The following CHD7 variants were observed in gnomAD, a reference collection of about 807,000 sequenced individuals.
The protein encoded by CHD7 is chromodomain helicase DNA binding protein 7, also known as ATP-dependent chromatin remodeler CHD7.
CHD7 carries 24 observed loss-of-function variants against 307.3 expected under a neutral mutation model. The observed-to-expected ratio is 0.08, with a 90% CI of 0.06 to 0.11. The LOEUF (loss-of-function observed/expected upper bound fraction) is 0.11, where lower values mean the gene tolerates loss of function less well. Among genes scored for constraint, CHD7 ranks in the 10% least tolerant of loss-of-function variants. CHD7 has a pLI of 1.00. For missense variants in CHD7, 3,106 were observed against 3,727.1 expected, an observed-to-expected ratio of 0.83 and a Z score of 4.34; for synonymous variants, 1,363 against 1,349.9, an observed-to-expected ratio of 1.01 and a Z score of -0.21.
At chr8:60,861,960 A>C in intron 35 of CHD7, 1 of 310,824 alleles carries the variant, frequency 3.2e-6, no homozygotes, top group Non-Finnish European at 5.9e-6. Flanking sequence ...ACTTTAAGTG[A>C]GGTTATTGAT....
Position 60,854,532 on chromosome 8 carries a change from G to A in CHD7, c.6936+9G>A, listed in dbSNP as rs188197056. 11 of 1,578,668 alleles carry A rather than the reference G, an allele frequency of 7.0e-6. No individual in the cohort carries two copies. The highest frequency in any genetic ancestry group is 8.6e-6 in the Non-Finnish European group (10 of 1,156,994). On this transcript the variant is annotated intron_variant, in intron 32 of 37. Coordinates refer to ENST00000423902, the MANE Select transcript of CHD7 (RefSeq NM_017780.4). ...TCTCGTTTTGGCCTAAGGTTGGCAG[G>A]TTTTTGTTGCTGTTGTTTTGCTGAC...
At chr8:60,764,262 T>G (rs891341113) in intron 2 of CHD7, among the ~76,000 whole-genome samples, 4 of 152,208 alleles carry the variant, frequency 2.6e-5, no homozygotes, top group African/African-American at 7.2e-5. Flanking sequence ...GTGCTGGGAT[T>G]ACAGGTGTGA....
At position 60,741,396 on chromosome 8, in the gene CHD7, T is replaced by G; in HGVS notation, c.-37T>G. 6.6e-7 allele frequency: 1 copy of G among 1,507,628 alleles called. No individual in the cohort carries two copies. Among genetic ancestry groups the G allele is most frequent in the Non-Finnish European group, 9.0e-7 (1 of 1,106,248 alleles). 93.4% of individuals were successfully genotyped at this position (1,507,628 alleles called of 1,614,324 possible). On this transcript the variant is annotated 5_prime_UTR_variant, in exon 2 of 38. Transcript: ENST00000423902. ...GTGAAGTGAAGCACAGGCAAGCTCC[T>G]GAGCTGTGGTTTGGAGGAGCCGTGT...
rs1804099152 is a variant in CHD7 at position 60,822,648 on chromosome 8, T to G, written c.3103T>G (p.Phe1035Val). 6.2e-7 allele frequency: 1 copy of G among 1,613,790 alleles called. No homozygotes were observed. The highest frequency in any genetic ancestry group is 1.1e-5 in the South Asian group (1 of 91,094). Reference protein sequence around the residue: ...LSTIPNWEREFRTWTELNVVV... With the variant: ...LSTIPNWEREVRTWTELNVVV... ...CACAATCCCCAACTGGGAAAGGGAATTCCGAACCTGGACAGAGTTGAACGT... is the reference window on the plus strand; with the variant it reads ...CACAATCCCCAACTGGGAAAGGGAAGTCCGAACCTGGACAGAGTTGAACGT... Residue 1035 changes from phenylalanine to valine, a missense_variant, in exon 12 of 38, where the codon TTC (phenylalanine) becomes GTC (valine). Phe to Val is a conservative substitution (Grantham distance 50). Around this residue, in one of 10 missense-constraint regions of CHD7, gnomAD observed 232 missense variants for 422.5 expected, o/e 0.55. Transcript: ENST00000423902.
chr8:60,723,477 T>C (rs1206685953), intron 1 of CHD7, among the ~76,000 whole-genome samples: 1 of 152,200 alleles, frequency 6.6e-6, no homozygotes, highest in African/African-American at 2.4e-5. Context: ...ATTTAACCAC[T>C]ATCTAGAAGG....
In CHD7 at chr8:60,742,287, T is replaced by G. The variant is rs1468951955; in HGVS notation, c.855T>G (p.Val285=). 1 of 1,613,898 alleles carries G rather than the reference T, an allele frequency of 6.2e-7. No individual in the cohort carries two copies. The highest frequency in any genetic ancestry group is 1.7e-5 in the Admixed American group (1 of 60,014). The change falls in exon 2 of 38, where the codon GTT becomes GTG. Residue 285 remains valine, a synonymous_variant. Transcript: ENST00000423902. ...CGAATCCTCCCCAACAAGGGGCTGTTAGGCCGCAAACCCTTAACTTTAGTT... is the reference window on the plus strand; with the variant it reads ...CGAATCCTCCCCAACAAGGGGCTGTGAGGCCGCAAACCCTTAACTTTAGTT... The part of the protein sequence containing the change: ...FSPNPPQQGA[V]RPQTLNFSSR...
chr8:60,781,544 C>T, intron 3 of CHD7, 114 bp downstream of exon 3: 1 of 1,357,572 alleles, frequency 7.4e-7, no homozygotes, highest in Non-Finnish European at 9.7e-7. Flanking sequence ...TTTTTGTCAT[C>T]ATTGAGTTTC....
intron 1 of CHD7, among the ~76,000 whole-genome samples, chr8:60,685,971 A>G (rs1306123888): frequency 6.6e-6 from 1 of 152,140 alleles, no homozygotes; most frequent in Non-Finnish European, 1.5e-5. Context: ...TTATAGATCA[A>G]ATTTTGTTCT....
At chr8:60,854,659 A>G (rs1805624997) in intron 32 of CHD7, 136 bp downstream of exon 32, 1 of 683,550 alleles carries the variant, frequency 1.5e-6, no homozygotes, top group Non-Finnish European at 2.2e-6. Flanking sequence ...TTTTTCTTAT[A>G]CTTTTAAAGA....
chr8:60,693,911 A>G (rs1002272011), intron 1 of CHD7, among the ~76,000 whole-genome samples: 1 of 152,264 alleles, frequency 6.6e-6, no homozygotes, highest in Non-Finnish European at 1.5e-5. Context: ...TGCCAGCACC[A>G]TGGAACCATT....
Position 60,854,414 on chromosome 8 carries a change from T to C in CHD7, c.6827T>C (p.Met2276Thr), listed in dbSNP as rs1206316565. The C allele has an allele frequency of 6.2e-7, 1 of 1,613,608 alleles. No individual in the cohort carries two copies. The highest frequency in any genetic ancestry group is 1.1e-5 in the South Asian group (1 of 91,050). The change falls in exon 32 of 38, where the codon ATG becomes ACG. Residue 2276 changes from methionine to threonine, a missense_variant. Physicochemically the swap from Met to Thr is moderately conservative, Grantham distance 81 (BLOSUM62 -1). Around this residue, in one of 10 missense-constraint regions of CHD7, gnomAD observed 1,030 missense variants for 1,165.4 expected, o/e 0.88. Coordinates refer to ENST00000423902, the MANE Select transcript of CHD7 (RefSeq NM_017780.4). ...TTTGATGAAGAAAGCAATGCTTCCA[T>C]GAGCACTGCTAGAGATGAAACCCGA... is the stretch of plus-strand genomic sequence containing the variant. ...KNFDEESNAS[M>T]STARDETRDG...
chr8:60,800,656 T>G (rs756609286), intron 5 of CHD7, 131 bp downstream of exon 5: 22 of 887,740 alleles, frequency 2.5e-5, no homozygotes, highest in African/African-American at 1.7e-5. Context: ...TGTTGGATAA[T>G]GTGCTATGGG....
intron 1 of CHD7, among the ~76,000 whole-genome samples, chr8:60,690,733 A>G (rs1394149842): frequency 6.6e-6 from 1 of 152,182 alleles, no homozygotes. Context: ...AGTCAGTGCC[A>G]CTGCCATAGC....
At position 60,810,434 on chromosome 8, in the gene CHD7, T is replaced by A. The variant is rs185712701; in HGVS notation, c.2498+2162T>A. ...GTATCGAGTTACACACACACTTATC[T>A]GTTTATTATATACACACACATATTT... On this transcript the variant is annotated intron_variant, in intron 7 of 37. Transcript: ENST00000423902. 2.9e-4 allele frequency among the ~76,000 whole-genome samples: 44 copies of A among 151,960 alleles called. No individual in the cohort carries two copies. The Middle Eastern group carries it at 0.01, about 35-fold the overall frequency.
chr8:60,826,543 A>G (rs1313607330), intron 13 of CHD7, among the ~76,000 whole-genome samples: 1 of 152,372 alleles, frequency 6.6e-6, no homozygotes, highest in East Asian at 1.9e-4. Flanking sequence ...GGCCATAGGG[A>G]ACTGCTGTTA....
At chr8:60,809,485 A>C (rs1812691068) in intron 7 of CHD7, 1 of 152,092 alleles carries the variant, frequency 6.6e-6, no homozygotes, top group Non-Finnish European at 1.5e-5. Context: ...AATCACCAAA[A>C]TAATGGCACT....
intron 1 of CHD7, among the ~76,000 whole-genome samples, chr8:60,719,207 G>T (rs909177711): frequency 1.3e-5 from 2 of 152,234 alleles, no homozygotes; most frequent in African/African-American, 4.8e-5. Context: ...GAAAGGATTT[G>T]TCACCCACAG....
chr8:60,852,362 C>T (rs1013319395), intron 29 of CHD7, 115 bp downstream of exon 29: 88 of 1,284,354 alleles, frequency 6.9e-5, no homozygotes, highest in Admixed American at 4.1e-4. Flanking sequence ...AAGAAAGGCT[C>T]GCTCCAACAA....
intron 25 of CHD7, among the ~76,000 whole-genome samples, chr8:60,850,161 C>A: frequency 6.6e-6 from 1 of 152,072 alleles, no homozygotes; most frequent in South Asian, 2.1e-4. Context: ...AGGAACATTG[C>A]GAATCCTTCT....
Sources: allele counts gnomAD v4.1 joint callset (sites outside exome capture counted in the v4.1 genomes callset), GRCh38; gene constraint gnomAD v4.1.1; regional missense constraint gnomAD v4.1.1; transcripts MANE v1.5; gene names NCBI Gene and HGNC (gene_info 2026-07-23, HGNC 2026-07-21).